KCTD2: variants seen among roughly 807,000 people sequenced by gnomAD.
The protein encoded by KCTD2 is BTB/POZ domain-containing protein KCTD2.
A neutral mutation model predicts 27.9 loss-of-function variants in KCTD2; 18 were observed. That is an observed-to-expected ratio of 0.64 (90% CI 0.45 to 0.96). The LOEUF (loss-of-function observed/expected upper bound fraction) is 0.96, where lower values mean the gene tolerates loss of function less well. KCTD2 is among the 40% of genes least tolerant of loss of function. The pLI, the probability that KCTD2 is intolerant of heterozygous loss-of-function variation, is 0.00. For missense variants in KCTD2, 280 were observed against 348.0 expected (o/e 0.80, Z 1.56); for synonymous variants, 175 against 148.4 (o/e 1.18, Z -1.30).
At chr17:75,035,190 G>T (rs887202509) in intron 2 of KCTD2, 1 of 152,054 alleles carries the variant, frequency 6.6e-6, no homozygotes, top group African/African-American at 2.4e-5. Context: ...TGGTCGGAAC[G>T]TTTTAATCCC....
chr17:75,035,189 C>G (rs9905052), intron 2 of KCTD2: 3 of 152,010 alleles, frequency 2.0e-5, no homozygotes, highest in African/African-American at 4.8e-5. Flanking sequence ...GTGGTCGGAA[C>G]GTTTTAATCC....
chr17:75,046,083 T>G (rs1390874399), upstream of KCTD2, among the ~76,000 whole-genome samples: 2 of 151,666 alleles, frequency 1.3e-5, no homozygotes, highest in African/African-American at 4.8e-5. Context: ...ACAAATAACT[T>G]TGTGTGTGTG....
upstream of KCTD2, among the ~76,000 whole-genome samples, chr17:75,044,298 C>T (rs540922382): frequency 8.8e-5 from 10 of 114,002 alleles, 1 homozygote; most frequent in Non-Finnish European, 6.3e-5. Context: ...CTCCGCTTCC[C>T]GGGTTCACGC....
intron 4 of KCTD2, chr17:75,060,487 G>C: frequency 6.2e-7 from 1 of 1,612,032 alleles, no homozygotes. Context: ...ACCAGGGTTG[G>C]AACTAACCAG....
At chr17:75,040,813 G>T (rs2073151853) in intron 3 of KCTD2, 2 of 151,872 alleles carry the variant, frequency 1.3e-5, no homozygotes, top group Admixed American at 1.3e-4. Flanking sequence ...TTGAACCTGG[G>T]AGGCGGAGAT....
chr17:75,044,023 CTTTT>C (rs11312083), upstream of KCTD2, among the ~76,000 whole-genome samples: 64 of 127,698 alleles, frequency 5.0e-4, no homozygotes, highest in East Asian at 0.013. Context: ...ACGTTGTGCA[CTTTT>C]TTTTTTTTTT....
chr17:75,047,448 G>GGGC lies in KCTD2; in HGVS notation c.206_208dup (p.Gly69dup). The GGGC allele has an allele frequency of 6.5e-7, 1 of 1,536,148 alleles. No individual in the cohort carries two copies. The highest frequency in any genetic ancestry group is 1.2e-5 in the South Asian group (1 of 85,596). ...GTCCCGGACCACCCGAGCGGGCAGGGGGCGGCGGCGCGGCCCGCTGGGTCA... is the reference window on the plus strand; with the variant it reads ...GTCCCGGACCACCCGAGCGGGCAGGGGGCGGCGGCGGCGCGGCCCGCTGGGTCA... On this transcript the variant is annotated inframe_insertion, in exon 1 of 6. Coordinates refer to ENST00000322444, the MANE Select transcript of KCTD2 (RefSeq NM_015353.3).
intron 3 of KCTD2, chr17:75,041,058 G>A (rs1567987193): frequency 6.6e-6 from 1 of 151,670 alleles, no homozygotes; most frequent in East Asian, 2.0e-4. Flanking sequence ...AGCTATAAGG[G>A]ACAGTTAAAA....
rs1466794223 is a variant in KCTD2 at position 75,049,228 on chromosome 17, A to G, written c.348A>G (p.Thr116=). ...DPELDSDKDE[T]GAYLIDRDPT... Reference sequence around the variant, plus strand: ...TTGTGTTTGGTTGGCAGGATGAGACAGGAGCCTATCTGATTGACAGGGACC... The same window carrying G: ...TTGTGTTTGGTTGGCAGGATGAGACGGGAGCCTATCTGATTGACAGGGACC... Residue 116 remains threonine (T), a synonymous_variant, in exon 2 of 6, where the codon ACA becomes ACG. Coordinates refer to ENST00000322444, the MANE Select transcript of KCTD2 (RefSeq NM_015353.3). The G allele has an allele frequency of 1.2e-6, 2 of 1,607,530 alleles. No homozygotes were observed. The highest frequency in any genetic ancestry group is 1.7e-6 in the Non-Finnish European group (2 of 1,174,294).
At position 75,047,481 on chromosome 17, in the gene KCTD2, C is replaced by T. The variant is rs1267381413; in HGVS notation, c.231C>T (p.Asn77=). 2 of 1,595,810 alleles carry T rather than the reference C, an allele frequency of 1.3e-6. No individual in the cohort carries two copies. The highest frequency in any genetic ancestry group is 2.4e-5 in the East Asian group (1 of 42,014). Residue 77 remains asparagine, a synonymous_variant, in exon 1 of 6, where the codon AAC becomes AAT. Coordinates refer to ENST00000322444, the MANE Select transcript of KCTD2 (RefSeq NM_015353.3). ...GCGCGGCCCGCTGGGTCAGGCTGAA[C>T]GTGGGAGGCACCTACTTCGTGACCA... ...GGGAARWVRL[N]VGGTYFVTTR...
Position 75,053,069 on chromosome 17 carries a change from G to A in KCTD2, c.504G>A (p.Lys168=), listed in dbSNP as rs779574256. Residue 168 remains lysine, a synonymous_variant, in exon 3 of 6, where the codon AAG becomes AAA. Coordinates refer to ENST00000322444, the MANE Select transcript of KCTD2 (RefSeq NM_015353.3). The stretch of plus-strand genomic sequence containing the variant: ...TCGCGTCCCTTGTGCGGCTGGTTAA[G>A]GAAAGGATACGGGACAATGAGAACA... ...YNIASLVRLV[K]ERIRDNENRT... 1.9e-6 allele frequency: 3 copies of A among 1,614,054 alleles called. No homozygotes were observed. The highest frequency in any genetic ancestry group is 4.5e-5 in the East Asian group (2 of 44,874).
intron 3 of KCTD2, among the ~76,000 whole-genome samples, chr17:75,037,121 G>C (rs942814985): frequency 6.6e-6 from 1 of 152,178 alleles, no homozygotes; most frequent in Admixed American, 6.5e-5. Flanking sequence ...AAGGCGGGCA[G>C]ATCACGAGGT....
At chr17:75,053,443 C>T (rs2073312670) in intron 3 of KCTD2, among the ~76,000 whole-genome samples, 1 of 150,186 alleles carries the variant, frequency 6.7e-6, no homozygotes, top group Non-Finnish European at 1.5e-5. Context: ...CCGTTGGCCG[C>T]TCTTTTTTTT....
Position 75,065,094 on chromosome 17 carries a change from G to C in KCTD2, c.*2047G>C. On this transcript the variant is annotated 3_prime_UTR_variant, in exon 6 of 6. Coordinates refer to ENST00000322444, the MANE Select transcript of KCTD2 (RefSeq NM_015353.3). ...ATGTTGAGCACCTCCTGAGGGCGCC[G>C]TTTCCTTCATTCCTCTTAGATTCCA... 1 of 152,178 alleles carries C rather than the reference G, an allele frequency of 6.6e-6. No homozygotes were observed. The highest frequency in any genetic ancestry group is 2.4e-5 in the African/African-American group (1 of 41,438). The allele number at this position is 152,178 out of a possible 1,614,324, so 9.4% of individuals were successfully genotyped here.
At chr17:75,035,083 T>G (rs527538115) in intron 2 of KCTD2, 2 of 151,670 alleles carry the variant, frequency 1.3e-5, no homozygotes, top group East Asian at 2.0e-4. Context: ...GCCATCAAAT[T>G]GGCCTCTCTA....
rs1006878096 is a variant in KCTD2 at position 75,065,102 on chromosome 17, C to T, written c.*2055C>T. On this transcript the variant is annotated 3_prime_UTR_variant, in exon 6 of 6. Transcript: ENST00000322444. ...CACCTCCTGAGGGCGCCGTTTCCTT[C>T]ATTCCTCTTAGATTCCATAGTTGCC... The T allele has an allele frequency of 3.3e-5, 5 of 152,094 alleles. No homozygotes were observed. The highest frequency in any genetic ancestry group is 1.2e-4 in the African/African-American group (5 of 41,324). The allele number at this position is 152,094 out of a possible 1,614,324, so 9.4% of individuals were successfully genotyped here. A position where few individuals can be genotyped will look rare whatever the true frequency, so the allele number is the denominator to read the frequency against.
At chr17:75,042,593 T>G (rs558986152), upstream of KCTD2, 1 of 1,613,240 alleles carries the variant, frequency 6.2e-7, no homozygotes, top group Admixed American at 1.7e-5. Flanking sequence ...TTCTGGGGTA[T>G]GATCTCTGCA....
At chr17:75,053,445 C>CTT (rs796593176) in intron 3 of KCTD2, among the ~76,000 whole-genome samples, 1 of 146,570 alleles carries the variant, frequency 6.8e-6, no homozygotes, top group African/African-American at 2.5e-5. Context: ...GTTGGCCGCT[C>CTT]TTTTTTTTTT....
At chr17:75,051,822 T>C (rs1377786288) in intron 2 of KCTD2, among the ~76,000 whole-genome samples, 1 of 152,332 alleles carries the variant, frequency 6.6e-6, no homozygotes. Flanking sequence ...CTACAGCTTA[T>C]ATTGCAGTTT....
Sources: gnomAD v4.1 joint callset for allele counts (sites outside exome capture counted in the v4.1 genomes callset) on GRCh38, gnomAD v4.1.1 for gene constraint, MANE v1.5 for transcripts, NCBI Gene and HGNC (gene_info 2026-07-23, HGNC 2026-07-21) for gene names.